Variants in DOCK2 observed in about 807,000 individuals in gnomAD.
DOCK2 encodes dedicator of cytokinesis protein 2.
In DOCK2, 87 loss-of-function variants were observed where a neutral mutation model predicts 248.9. The observed-to-expected ratio is 0.35, with a 90% CI of 0.29 to 0.42. DOCK2 has a LOEUF of 0.42. Ranked by LOEUF, DOCK2 falls within the 10% of genes least tolerant of loss-of-function variation. DOCK2 has a pLI of 1.00. For missense variants in DOCK2, 1,747 were observed against 2,300.2 expected, an observed-to-expected ratio of 0.76 and a Z score of 4.92; for synonymous variants, 805 against 821.6, an observed-to-expected ratio of 0.98 and a Z score of 0.35.
At chr5:169,871,906 G>A (rs1360788826) in intron 27 of DOCK2, among the ~76,000 whole-genome samples, 2 of 152,194 alleles carry the variant, frequency 1.3e-5, no homozygotes, top group African/African-American at 4.8e-5. Flanking sequence ...CTCCTTCTAA[G>A]GAGGCAGCCT....
chr5:170,050,627 C>T (rs973714918), intron 41 of DOCK2, among the ~76,000 whole-genome samples: 2 of 152,084 alleles, frequency 1.3e-5, no homozygotes, highest in African/African-American at 4.8e-5. Flanking sequence ...AATTTGTCTC[C>T]CTTTGGTGCT....
intron 41 of DOCK2, among the ~76,000 whole-genome samples, chr5:170,054,800 A>T (rs922580756): frequency 6.6e-6 from 1 of 152,338 alleles, no homozygotes; most frequent in African/African-American, 2.4e-5. Flanking sequence ...TAGTGAGTCC[A>T]GAGTGAAAGA....
intron 1 of DOCK2, among the ~76,000 whole-genome samples, chr5:169,650,890 G>A (rs1225617935): frequency 6.6e-6 from 1 of 152,218 alleles, no homozygotes; most frequent in Admixed American, 6.5e-5. Flanking sequence ...GGCACGATGG[G>A]GAAGCTGGAA....
chr5:169,653,789 G>C (rs1345526478), intron 1 of DOCK2, among the ~76,000 whole-genome samples: 1 of 152,240 alleles, frequency 6.6e-6, no homozygotes, highest in African/African-American at 2.4e-5. Flanking sequence ...ACAAGGCCCT[G>C]GCTGTCTAAT....
At chr5:169,731,338 T>TATCTCACTA (rs1442648913) in intron 22 of DOCK2, among the ~76,000 whole-genome samples, 1 of 152,220 alleles carries the variant, frequency 6.6e-6, no homozygotes, top group East Asian at 1.9e-4. Context: ...TTCTGTGCTG[T>TATCTCACTA]TCTCATGATA....
chr5:169,653,362 G>A (rs912882102), intron 1 of DOCK2, among the ~76,000 whole-genome samples: 9 of 152,288 alleles, frequency 5.9e-5, no homozygotes, highest in African/African-American at 2.2e-4. Context: ...GCACAATAAT[G>A]CCTACTTTAA....
chr5:169,845,025 C>T (rs1770219571), intron 27 of DOCK2, among the ~76,000 whole-genome samples: 1 of 151,780 alleles, frequency 6.6e-6, no homozygotes, highest in South Asian at 2.1e-4. Flanking sequence ...TGGAGAAAAT[C>T]AGACCTCTTC....
chr5:169,854,654 T>C (rs960542043), intron 27 of DOCK2, among the ~76,000 whole-genome samples: 3 of 152,258 alleles, frequency 2.0e-5, no homozygotes, highest in African/African-American at 7.2e-5. Flanking sequence ...TGTCCTGGTC[T>C]GTCTCTCTTC....
chr5:169,807,827 C>A (rs1767480222), intron 26 of DOCK2, among the ~76,000 whole-genome samples: 1 of 54,252 alleles, frequency 1.8e-5, no homozygotes, highest in East Asian at 4.5e-4. Flanking sequence ...GAGCAAGACT[C>A]TGTCTCAAAA....
chr5:169,931,627 G>A lies in DOCK2; in HGVS notation c.2800-51441G>A, dbSNP rs372384241. ...TGGCAAACTGACACAAGATCTCTGA[G>A]CCTGCTTCCTTGTCTGTGAAACTGG... On this transcript the variant is annotated intron_variant, in intron 27 of 51. Transcript: ENST00000520908. Among the ~76,000 whole-genome samples the A allele has an allele frequency of 2.4e-4, 37 of 152,340 alleles. 1 individual carries two copies. Among genetic ancestry groups the A allele is most frequent in the South Asian group, 2.1e-3 (10 of 4,826 alleles).
intron 34 of DOCK2, among the ~76,000 whole-genome samples, chr5:170,029,119 C>G (rs374872466): frequency 6.6e-6 from 1 of 152,094 alleles, no homozygotes; most frequent in Admixed American, 6.6e-5. Flanking sequence ...CTGGATCATA[C>G]GGCACCTATA....
At chr5:169,797,134 G>C (rs1343290076) in intron 25 of DOCK2, among the ~76,000 whole-genome samples, 1 of 152,238 alleles carries the variant, frequency 6.6e-6, no homozygotes, top group Non-Finnish European at 1.5e-5. Flanking sequence ...AGAACTGAAA[G>C]ATGATTTCTT....
chr5:169,900,158 G>A (rs1431655228), intron 27 of DOCK2, among the ~76,000 whole-genome samples: 4 of 152,188 alleles, frequency 2.6e-5, no homozygotes, highest in East Asian at 1.9e-4. Context: ...ATCTAAAGGA[G>A]GAGATGGGCA....
chr5:169,842,970 A>T (rs1414763473), intron 27 of DOCK2, among the ~76,000 whole-genome samples: 2 of 152,176 alleles, frequency 1.3e-5, no homozygotes, highest in Non-Finnish European at 2.9e-5. Flanking sequence ...TGGAATGGTC[A>T]GTAGCTCCCT....
At chr5:169,987,702 C>T (rs552736989) in intron 29 of DOCK2, among the ~76,000 whole-genome samples, 1 of 152,294 alleles carries the variant, frequency 6.6e-6, no homozygotes, top group East Asian at 1.9e-4. Context: ...ATACAGTAAT[C>T]CTTATTTCTT....
intron 27 of DOCK2, among the ~76,000 whole-genome samples, chr5:169,871,629 A>G (rs1771980459): frequency 1.3e-5 from 2 of 152,222 alleles, no homozygotes; most frequent in African/African-American, 4.8e-5. Context: ...AAGCTTCTAC[A>G]CTAAGATGCA....
intron 27 of DOCK2, chr5:169,875,486 A>C: frequency 3.0e-6 from 1 of 331,970 alleles, no homozygotes; most frequent in Non-Finnish European, 6.0e-6. Context: ...TGGCATCTGG[A>C]AGGCAGCATG....
At chr5:169,871,188 G>A (rs1771945850) in intron 27 of DOCK2, among the ~76,000 whole-genome samples, 1 of 152,148 alleles carries the variant, frequency 6.6e-6, no homozygotes, top group Non-Finnish European at 1.5e-5. Flanking sequence ...ATCTGAATTT[G>A]AAGGGTACAC....
At chr5:169,822,294 C>T (rs1473781278) in intron 26 of DOCK2, among the ~76,000 whole-genome samples, 2 of 152,218 alleles carry the variant, frequency 1.3e-5, no homozygotes, top group East Asian at 3.8e-4. Context: ...GAACTCTCCA[C>T]CCCAAATCAA....
Sources: allele counts gnomAD v4.1 joint callset (sites outside exome capture counted in the v4.1 genomes callset), GRCh38; gene constraint gnomAD v4.1.1; transcripts MANE v1.5; gene names NCBI Gene and HGNC (gene_info 2026-07-23, HGNC 2026-07-21).